FN1: variants seen among roughly 807,000 people sequenced by gnomAD.
The protein encoded by FN1 is fibronectin 1.
Under a neutral mutation model 297.3 loss-of-function variants are expected in FN1, and 106 were observed. The ratio of observed to expected loss-of-function variants is 0.36; its 90% confidence interval spans 0.30 to 0.42. The LOEUF (loss-of-function observed/expected upper bound fraction) is 0.42. Among genes scored for constraint, FN1 ranks in the 10% least tolerant of loss-of-function variants. FN1 has a pLI of 1.00. For synonymous variants in FN1, 1,149 were observed against 1,152.6 expected, an observed-to-expected ratio of 1.00 and a Z score of 0.06; for missense variants, 2,690 against 3,124.9, an observed-to-expected ratio of 0.86 and a Z score of 3.32.
intron 42 of FN1, among the ~76,000 whole-genome samples, chr2:215,367,220 C>T (rs1432072606): frequency 1.3e-5 from 2 of 152,104 alleles, no homozygotes; most frequent in African/African-American, 4.8e-5. Context: ...AATCTCAAAG[C>T]ATAATAGATA....
chr2:215,380,754 A>C (rs903895383), intron 33 of FN1, 57 bp downstream of exon 33: 7 of 1,590,762 alleles, frequency 4.4e-6, no homozygotes, highest in Non-Finnish European at 6.0e-6. Context: ...TAATTCATTC[A>C]GTAGGGCATA....
At chr2:215,369,429 A>C (rs1334135757) in intron 41 of FN1, among the ~76,000 whole-genome samples, 2 of 152,226 alleles carry the variant, frequency 1.3e-5, no homozygotes, top group Non-Finnish European at 2.9e-5. Flanking sequence ...CATGTAAAGT[A>C]GCACAGTCTT....
At chr2:215,375,761 T>G (rs768241697) in intron 36 of FN1, 43 bp from the exon 37 acceptor site, 12 of 1,301,158 alleles carry the variant, frequency 9.2e-6, no homozygotes, top group South Asian at 3.6e-5. Flanking sequence ...TCTTGCTTTT[T>G]ACTAGGAGAA....
intron 5 of FN1, among the ~76,000 whole-genome samples, chr2:215,429,023 C>G (rs184486951): frequency 4.9e-4 from 72 of 147,472 alleles, no homozygotes; most frequent in Non-Finnish European, 7.6e-4. Flanking sequence ...AAAAACAAAA[C>G]AAAACAAAAC....
rs2064472676 is a variant in FN1 at position 215,421,986 on chromosome 2, A to G, written c.1546+105T>C. The G allele has an allele frequency of 1.4e-5, 15 of 1,094,358 alleles. No homozygotes were observed. The East Asian group carries it at 3.1e-4, about 22-fold the overall frequency. The allele number at this position is 1,094,358 out of a possible 1,614,324, so 67.8% of individuals were successfully genotyped here. The stretch of plus-strand genomic sequence containing the variant: ...AGACTAATGAATGACGTGGCATTCC[A>G]TATTTCTTCCCCTGCTTTTGGCATA... On this transcript the variant is annotated intron_variant, in intron 10 of 45. Transcript: ENST00000354785.
rs2106298846 is a variant in FN1 at position 215,409,653 on chromosome 2, C to T, written c.2209G>A (p.Val737Met). The T allele has an allele frequency of 1.9e-6, 3 of 1,613,964 alleles. No individual in the cohort carries two copies. Among genetic ancestry groups the T allele is most frequent in the Non-Finnish European group, 1.7e-6 (2 of 1,179,904 alleles). ...SVTEITASSF[V>M]VSWVSASDTV... ...TCGGAAGCTGAGACCCAGGAGACCA[C>T]AAAGCTACTGGCTGTGATTTCGGTC... is the stretch of plus-strand genomic sequence containing the variant. Residue 737 changes from valine (V) to methionine (M), a missense_variant, in exon 15 of 46, where the codon GTG (valine) becomes ATG (methionine). Physicochemically the swap from Val to Met is conservative, Grantham distance 21 (BLOSUM62 1). This residue lies in a region of FN1 where 876 missense variants were observed against 1,058.1 expected (regional missense o/e 0.83). Transcript: ENST00000354785.
intron 26 of FN1, among the ~76,000 whole-genome samples, chr2:215,390,391 C>T (rs1160028496): frequency 6.6e-6 from 1 of 152,052 alleles, no homozygotes; most frequent in Non-Finnish European, 1.5e-5. Flanking sequence ...CACTGTGTTG[C>T]CCAGGCTGGT....
Position 215,420,799 on chromosome 2 carries a change from G to C in FN1, c.1549C>G (p.Gln517Glu). 2 of 1,613,924 alleles carry C rather than the reference G, an allele frequency of 1.2e-6. No individual in the cohort carries two copies. Among genetic ancestry groups the C allele is most frequent in the Non-Finnish European group, 1.7e-6 (2 of 1,179,828 alleles). The change falls in exon 11 of 46, where the codon CAG (glutamine) becomes GAG (glutamate). Residue 517 changes from glutamine to glutamate, a missense_variant and splice_region_variant. Gln to Glu is a conservative substitution (Grantham distance 29). Coordinates refer to ENST00000354785, the MANE Select transcript of FN1 (RefSeq NM_212482.4). Reference protein sequence around the residue: ...TCIAYSQLRDQCIVDDITYNV... With the variant: ...TCIAYSQLRDECIVDDITYNV... ...TAAGTGATGTCATCAACAATGCACT[G>C]ATCTGTTTAGGAAACAGGTGGGTGA...
At chr2:215,378,382 C>A in intron 34 of FN1, 120 bp from the exon 35 acceptor site, 1 of 699,312 alleles carries the variant, frequency 1.4e-6, no homozygotes, top group South Asian at 1.5e-5. Context: ...ACCAGCAAAA[C>A]CCACAACCTT....
chr2:215,408,213 A>G lies in FN1; in HGVS notation c.2429-16T>C, dbSNP rs1203086550. 6.2e-7 allele frequency: 1 copy of G among 1,613,656 alleles called. No homozygotes were observed. Among genetic ancestry groups the G allele is most frequent in the Admixed American group, 1.7e-5 (1 of 60,010 alleles). On this transcript the variant is annotated splice_polypyrimidine_tract_variant and intron_variant, in intron 16 of 45. Coordinates refer to ENST00000354785, the MANE Select transcript of FN1 (RefSeq NM_212482.4). The stretch of plus-strand genomic sequence containing the variant: ...GCATCAGGCGCTAAGAAAGAAAGAA[A>G]GTGGGGCAAACAGTCAGGAAGTGCT...
intron 3 of FN1, 85 bp downstream of exon 3, chr2:215,433,239 C>T: frequency 6.5e-7 from 1 of 1,542,156 alleles, no homozygotes; most frequent in Non-Finnish European, 9.0e-7. Flanking sequence ...AATATCCAGT[C>T]ATGGATAACA....
At chr2:215,408,864 C>T (rs1464765854) in intron 15 of FN1, among the ~76,000 whole-genome samples, 1 of 152,178 alleles carries the variant, frequency 6.6e-6, no homozygotes, top group Non-Finnish European at 1.5e-5. Flanking sequence ...GCCACCGCAC[C>T]CACCTAATCT....
chr2:215,370,540 C>CCAAAAAAAAAAAAAAAAAAAAAAAA (rs1553600561), intron 40 of FN1, 108 bp from the exon 41 acceptor site: 11 of 300,086 alleles, frequency 3.7e-5, no homozygotes, highest in African/African-American at 2.9e-4. Flanking sequence ...CAAAGGAAGA[C>CCAAAAAAAAAAAAAAAAAAAAAAAA]AAAAAACAAA....
At position 215,414,922 on chromosome 2, in the gene FN1, G is replaced by A. The variant is rs1392780531; in HGVS notation, c.1856C>T (p.Thr619Ile). Reference protein sequence around the residue: ...SGPVEVFITETPSQPNSHPIQ... With the variant: ...SGPVEVFITEIPSQPNSHPIQ... ...GGGGTGGGAGTTGGGCTGACTCGGA[G>A]TCTCAGTGATAAATACTTCGACAGG... The change falls in exon 13 of 46, where the codon ACT becomes ATT. Residue 619 changes from threonine to isoleucine, a missense_variant. Thr to Ile is a moderately conservative substitution (Grantham distance 89). This residue lies in a region of FN1 where 876 missense variants were observed against 1,058.1 expected (regional missense o/e 0.83). Coordinates refer to ENST00000354785, the MANE Select transcript of FN1 (RefSeq NM_212482.4). The A allele has an allele frequency of 6.2e-7, 1 of 1,613,954 alleles. No individual in the cohort carries two copies. Among genetic ancestry groups the A allele is most frequent in the Admixed American group, 1.7e-5 (1 of 60,010 alleles).
chr2:215,400,081 G>A (rs1410417058), intron 20 of FN1, among the ~76,000 whole-genome samples: 2 of 151,956 alleles, frequency 1.3e-5, no homozygotes. Flanking sequence ...CCAGCTTCTT[G>A]GGAGGCTGAG....
intron 42 of FN1, 43 bp downstream of exon 42, chr2:215,367,820 G>C (rs990135362): frequency 1.2e-6 from 2 of 1,604,296 alleles, no homozygotes; most frequent in South Asian, 2.2e-5. Flanking sequence ...CATGGAACTT[G>C]AGGAGACAAA....
intron 2 of FN1, among the ~76,000 whole-genome samples, chr2:215,433,804 TA>T (rs1239046615): frequency 1.3e-5 from 2 of 152,200 alleles, no homozygotes; most frequent in Admixed American, 1.3e-4. Context: ...AAGGTTCACA[TA>T]AAAAGCAAAC....
chr2:215,408,829 C>T (rs1455404900), intron 15 of FN1, among the ~76,000 whole-genome samples: 2 of 152,112 alleles, frequency 1.3e-5, no homozygotes, highest in Non-Finnish European at 2.9e-5. Flanking sequence ...CTCAGCTTCC[C>T]GAAGTGCTGA....
chr2:215,404,342 A>G lies in FN1; in HGVS notation c.3253+47T>C. The G allele has an allele frequency of 3.3e-6, 5 of 1,535,258 alleles. 1 individual carries two copies. In the South Asian group the frequency reaches 4.5e-5, roughly 14 times the overall value. ...TGTTTTGTTTTAAAGCATGAAGAAT[A>G]GAGAATGTAAATATAGTTAAGAAAA... On this transcript the variant is annotated intron_variant, in intron 20 of 45. Transcript: ENST00000354785.
Sources: allele counts gnomAD v4.1 joint callset (sites outside exome capture counted in the v4.1 genomes callset), GRCh38; gene constraint gnomAD v4.1.1; regional missense constraint gnomAD v4.1.1; transcripts MANE v1.5; gene names NCBI Gene and HGNC (gene_info 2026-07-23, HGNC 2026-07-21).